The following CIMAP3 variants were observed in gnomAD, a reference collection of about 807,000 sequenced individuals.
CIMAP3 encodes ciliary microtubule-associated protein 3.
the CIMAP3 span, among the ~76,000 whole-genome samples, chr1:111,340,041 G>A: frequency 1.3e-5 from 2 of 151,812 alleles, no homozygotes; most frequent in African/African-American, 2.4e-5. Context: ...GAGCCCTCAG[G>A]AATAACGTCG....
the CIMAP3 span, among the ~76,000 whole-genome samples, chr1:111,329,557 AT>A: frequency 2.4e-5 from 2 of 85,072 alleles, no homozygotes; most frequent in African/African-American, 4.3e-5. Flanking sequence ...ATATATATAT[AT>A]AATTTTTTTT....
At chr1:111,346,547 C>T in the CIMAP3 span, 1 of 1,571,352 alleles carries the variant, frequency 6.4e-7, no homozygotes. Context: ...CGCGCAGGCG[C>T]GCTCGGGCCC....
At chr1:111,325,962 C>G in the CIMAP3 span, among the ~76,000 whole-genome samples, 1 of 152,026 alleles carries the variant, frequency 6.6e-6, no homozygotes, top group Admixed American at 6.6e-5. Flanking sequence ...GGAATAATAC[C>G]TAGACAAATT....
At chr1:111,347,016 A>T in the CIMAP3 span, 6 of 1,613,436 alleles carry the variant, frequency 3.7e-6, no homozygotes, top group Non-Finnish European at 4.2e-6. Flanking sequence ...TTAGGGGATC[A>T]CCCCACAGAG....
chr1:111,329,067 T>C, the CIMAP3 span, among the ~76,000 whole-genome samples: 1,205 of 152,342 alleles, frequency 7.9e-3, 16 homozygotes, highest in African/African-American at 0.027. Context: ...CAACATTTAC[T>C]TATCTAAAAA....
At chr1:111,347,841 G>A in the CIMAP3 span, 3 of 1,101,574 alleles carry the variant, frequency 2.7e-6, no homozygotes, top group Non-Finnish European at 4.1e-6. Flanking sequence ...AAAGGGCAGA[G>A]AGCAAGAGGG....
chr1:111,333,489 T>C, the CIMAP3 span, among the ~76,000 whole-genome samples: 19,426 of 152,222 alleles, frequency 0.13, 1,360 homozygotes, highest in African/African-American at 0.16. Context: ...AATGCAGGTA[T>C]GTGATTTCCC....
the CIMAP3 span, among the ~76,000 whole-genome samples, chr1:111,343,846 G>T: frequency 6.6e-6 from 1 of 152,156 alleles, no homozygotes; most frequent in African/African-American, 2.4e-5. Context: ...AGTATACTGG[G>T]ATCTTTATTG....
the CIMAP3 span, among the ~76,000 whole-genome samples, chr1:111,329,313 G>T: frequency 6.6e-6 from 1 of 151,584 alleles, no homozygotes; most frequent in African/African-American, 2.4e-5. Context: ...AAAATCTGAT[G>T]ATTGTGTCTT....
the CIMAP3 span, chr1:111,351,629 C>T: frequency 3.8e-5 from 9 of 234,978 alleles, no homozygotes; most frequent in Non-Finnish European, 5.8e-5. Flanking sequence ...TTCTAATTCC[C>T]AGGAGCCAAT....
the CIMAP3 span, among the ~76,000 whole-genome samples, chr1:111,347,337 A>G: frequency 6.6e-6 from 1 of 152,076 alleles, no homozygotes; most frequent in African/African-American, 2.4e-5. Context: ...TTACCCTCCC[A>G]TTCCTCCAAA....
chr1:111,338,682 T>A, the CIMAP3 span, among the ~76,000 whole-genome samples: 1 of 151,930 alleles, frequency 6.6e-6, no homozygotes, highest in African/African-American at 2.4e-5. Context: ...AATGGACCAA[T>A]AACAGGAGCT....
chr1:111,338,442 G>C, the CIMAP3 span, among the ~76,000 whole-genome samples: 1 of 150,834 alleles, frequency 6.6e-6, no homozygotes, highest in Admixed American at 6.6e-5. Context: ...AAAATTGATA[G>C]ACCTCTAGCA....
chr1:111,342,720 C>T, the CIMAP3 span, among the ~76,000 whole-genome samples: 4 of 152,192 alleles, frequency 2.6e-5, no homozygotes, highest in African/African-American at 7.2e-5. Context: ...AGATCTTCTG[C>T]AAGGAAACCC....
the CIMAP3 span, among the ~76,000 whole-genome samples, chr1:111,325,227 A>ATG: frequency 0.017 from 2,566 of 152,306 alleles, 78 homozygotes; most frequent in African/African-American, 0.058. Context: ...TCCTTGTGTT[A>ATG]GCTCTGAAAT....
At chr1:111,337,765 C>A in the CIMAP3 span, among the ~76,000 whole-genome samples, 1 of 152,336 alleles carries the variant, frequency 6.6e-6, no homozygotes, top group Non-Finnish European at 1.5e-5. Flanking sequence ...TAACACCCCA[C>A]TGTCAGCATT....
At chr1:111,342,945 G>C in the CIMAP3 span, among the ~76,000 whole-genome samples, 4 of 152,208 alleles carry the variant, frequency 2.6e-5, no homozygotes, top group East Asian at 5.8e-4. Context: ...GATATTGTTG[G>C]TGATAATCCC....
the CIMAP3 span, among the ~76,000 whole-genome samples, chr1:111,345,164 C>T: frequency 6.6e-6 from 1 of 152,162 alleles, no homozygotes; most frequent in Non-Finnish European, 1.5e-5. Flanking sequence ...AAAACATCCT[C>T]ATCACTAAGT....
At chr1:111,340,897 C>T in the CIMAP3 span, among the ~76,000 whole-genome samples, 1 of 152,102 alleles carries the variant, frequency 6.6e-6, no homozygotes, top group African/African-American at 2.4e-5. Context: ...GCTATAAAGA[C>T]ACATGAACAC....
Sources: allele counts gnomAD v4.1 joint callset (sites outside exome capture counted in the v4.1 genomes callset), GRCh38; gene constraint gnomAD v4.1.1; transcripts MANE v1.5; gene names NCBI Gene and HGNC (gene_info 2026-07-23, HGNC 2026-07-21).